Variants in GRM3 observed in about 807,000 individuals in gnomAD.
GRM3 encodes glutamate metabotropic receptor 3, also known as metabotropic glutamate receptor 3.
A neutral mutation model predicts 70.5 loss-of-function variants in GRM3; 26 were observed. The observed-to-expected ratio is 0.37, with a 90% CI of 0.27 to 0.51. GRM3 has a LOEUF of 0.51. Among genes scored for constraint, GRM3 ranks in the 20% least tolerant of loss-of-function variants. The pLI is 0.93. For synonymous variants in GRM3, 443 were observed against 434.9 expected (o/e 1.02, Z -0.23); for missense variants, 859 against 1,123.8 (o/e 0.76, Z 3.37).
At chr7:86,730,438 C>T (rs1323170249) in intron 1 of GRM3, among the ~76,000 whole-genome samples, 1 of 152,194 alleles carries the variant, frequency 6.6e-6, no homozygotes, top group African/African-American at 2.4e-5. Context: ...AAAGGCATAA[C>T]ATAACTCATA....
intron 1 of GRM3, among the ~76,000 whole-genome samples, chr7:86,724,173 G>A (rs537447296): frequency 5.3e-4 from 80 of 152,248 alleles, no homozygotes; most frequent in Non-Finnish European, 8.7e-4. Flanking sequence ...CTGTATCTAA[G>A]ATGATGTGTA....
At chr7:86,672,124 G>A (rs1315916647) in intron 1 of GRM3, among the ~76,000 whole-genome samples, 4 of 152,156 alleles carry the variant, frequency 2.6e-5, no homozygotes, top group Non-Finnish European at 5.9e-5. Context: ...GTGATAAAAA[G>A]TCTACTCCAT....
At chr7:86,796,533 CTT>C (rs921869478) in intron 3 of GRM3, among the ~76,000 whole-genome samples, 3 of 152,080 alleles carry the variant, frequency 2.0e-5, no homozygotes, top group Admixed American at 2.0e-4. Context: ...TTAGGACTCT[CTT>C]GGCTATATGG....
intron 3 of GRM3, among the ~76,000 whole-genome samples, chr7:86,792,937 GA>G: frequency 6.6e-6 from 1 of 151,378 alleles, no homozygotes; most frequent in South Asian, 2.1e-4. Context: ...TAACAGGACT[GA>G]ATAGTATGTA....
chr7:86,724,020 TC>T (rs1385498168), intron 1 of GRM3, among the ~76,000 whole-genome samples: 1 of 152,182 alleles, frequency 6.6e-6, no homozygotes, highest in African/African-American at 2.4e-5. Flanking sequence ...GTAGTTTTCT[TC>T]TAGACTTCCT....
At chr7:86,822,954 T>C (rs540076667) in intron 3 of GRM3, among the ~76,000 whole-genome samples, 140 of 152,300 alleles carry the variant, frequency 9.2e-4, no homozygotes, top group African/African-American at 3.2e-3. Flanking sequence ...TATTGATTTT[T>C]ATCCTAAGAA....
intron 1 of GRM3, among the ~76,000 whole-genome samples, chr7:86,675,365 C>A (rs112860589): frequency 8.5e-5 from 13 of 152,116 alleles, no homozygotes; most frequent in African/African-American, 3.1e-4. Flanking sequence ...ACACCATATC[C>A]CTGCTTCCAA....
At chr7:86,811,186 A>G (rs909939218) in intron 3 of GRM3, among the ~76,000 whole-genome samples, 1 of 151,944 alleles carries the variant, frequency 6.6e-6, no homozygotes, top group African/African-American at 2.4e-5. Context: ...GTATCATCCA[A>G]TTGCTTCATA....
At chr7:86,656,328 C>G (rs1458855140) in intron 1 of GRM3, among the ~76,000 whole-genome samples, 1 of 138,768 alleles carries the variant, frequency 7.2e-6, no homozygotes, top group African/African-American at 2.7e-5. Flanking sequence ...TGCAGTGGCA[C>G]GATCTCAGCT....
Position 86,719,420 on chromosome 7 carries a change from A to G in GRM3, c.-140-45586A>G, listed in dbSNP as rs183735764. On this transcript the variant is annotated intron_variant, in intron 1 of 5. Coordinates refer to ENST00000361669, the MANE Select transcript of GRM3 (RefSeq NM_000840.3). ...GCATATAAAGATAAGTCACATGTGG[A>G]CCTACTCCTAAAGAGCTGACAGTCC... 3.7e-4 allele frequency among the ~76,000 whole-genome samples: 57 copies of G among 152,104 alleles called. 1 individual carries two copies. Among genetic ancestry groups the G allele is most frequent in the Non-Finnish European group, 6.8e-4 (46 of 67,952 alleles).
intron 3 of GRM3, among the ~76,000 whole-genome samples, chr7:86,838,366 GTTCT>G (rs575159449): frequency 7.2e-5 from 11 of 151,964 alleles, no homozygotes; most frequent in Non-Finnish European, 1.5e-4. Context: ...TGCAAAAAAT[GTTCT>G]TTATTTTGAA....
At chr7:86,825,258 AGAG>A (rs757204180) in intron 3 of GRM3, among the ~76,000 whole-genome samples, 53 of 152,252 alleles carry the variant, frequency 3.5e-4, no homozygotes, top group Non-Finnish European at 1.8e-4. Flanking sequence ...AGGGAGAAAA[AGAG>A]GAGAACATTT....
At position 86,850,367 on chromosome 7, in the gene GRM3, T is replaced by C. The variant is rs781248601; in HGVS notation, c.2392-3T>C. The C allele has an allele frequency of 6.2e-7, 1 of 1,610,596 alleles. No individual in the cohort carries two copies. The highest frequency in any genetic ancestry group is 1.1e-5 in the South Asian group (1 of 90,990). ...ACACTTACTAGCCAACCTTCTCTTG[T>C]AGGTGCAGACGACAACCATGTGCAT... On this transcript the variant is annotated splice_region_variant and splice_polypyrimidine_tract_variant and intron_variant, in intron 4 of 5. Coordinates refer to ENST00000361669, the MANE Select transcript of GRM3 (RefSeq NM_000840.3).
intron 1 of GRM3, among the ~76,000 whole-genome samples, chr7:86,645,244 G>C (rs989360017): frequency 1.3e-5 from 2 of 152,164 alleles, no homozygotes; most frequent in African/African-American, 4.8e-5. Flanking sequence ...GCTCCCTAAG[G>C]CTTTGTGCAC....
rs139764102 is a variant in GRM3, at chr7:86,816,626, G to C, written c.1325-22213G>C. Among the ~76,000 whole-genome samples, 688 of 151,880 alleles carry C rather than the reference G, an allele frequency of 4.5e-3. 5 individuals carry two copies. The highest frequency in any genetic ancestry group is 5.5e-3 in the Non-Finnish European group (374 of 67,862). On this transcript the variant is annotated intron_variant, in intron 3 of 5. Transcript: ENST00000361669. ...ATATTACTGCAAAGGATATGATCTC[G>C]TTCCTTTTTATGACTGTGTAGTATT...
intron 2 of GRM3, among the ~76,000 whole-genome samples, chr7:86,780,615 C>T (rs147191226): frequency 3.7e-4 from 56 of 152,290 alleles, no homozygotes; most frequent in African/African-American, 1.3e-3. Flanking sequence ...GCCTCTCAGG[C>T]CCTAGGAACT....
At chr7:86,671,720 G>T (rs1794177753) in intron 1 of GRM3, among the ~76,000 whole-genome samples, 1 of 152,112 alleles carries the variant, frequency 6.6e-6, no homozygotes, top group Non-Finnish European at 1.5e-5. Flanking sequence ...AACTACCTGG[G>T]CATTCCAACC....
At chr7:86,824,779 T>G (rs547451931) in intron 3 of GRM3, among the ~76,000 whole-genome samples, 1 of 152,228 alleles carries the variant, frequency 6.6e-6, no homozygotes, top group South Asian at 2.1e-4. Context: ...ATGTGGAAAT[T>G]TATGCAACAA....
intron 1 of GRM3, among the ~76,000 whole-genome samples, chr7:86,711,814 A>G (rs765552815): frequency 3.3e-5 from 5 of 152,042 alleles, no homozygotes; most frequent in Admixed American, 2.0e-4. Flanking sequence ...TTCTGTCCTC[A>G]GTCCTCTTTT....
Sources: allele counts gnomAD v4.1 joint callset (sites outside exome capture counted in the v4.1 genomes callset), GRCh38; gene constraint gnomAD v4.1.1; transcripts MANE v1.5; gene names NCBI Gene and HGNC (gene_info 2026-07-23, HGNC 2026-07-21).